The following PRDM5 variants were observed in gnomAD, a reference collection of about 807,000 sequenced individuals.
PRDM5 encodes PR domain zinc finger protein 5.
In PRDM5, 56 loss-of-function variants were observed where a neutral mutation model predicts 81.2. The observed-to-expected ratio is 0.69, with a 90% CI of 0.56 to 0.86. The LOEUF is 0.86. Ranked by LOEUF, PRDM5 falls within the 40% of genes least tolerant of loss-of-function variation. The probability of loss-of-function intolerance (pLI) is 0.00; values close to 1 mark genes in which losing one functional copy is unlikely to be tolerated. For synonymous variants in PRDM5, 267 were observed against 256.4 expected (o/e 1.04, Z -0.39); for missense variants, 697 against 770.1 (o/e 0.91, Z 1.12).
At chr4:120,874,574 A>G (rs1055211032) in intron 2 of PRDM5, among the ~76,000 whole-genome samples, 1 of 152,218 alleles carries the variant, frequency 6.6e-6, no homozygotes, top group South Asian at 2.1e-4. Flanking sequence ...AAAAAAAATC[A>G]TTTTAAAATG....
intron 2 of PRDM5, among the ~76,000 whole-genome samples, chr4:120,889,699 A>G (rs1763834343): frequency 6.6e-6 from 1 of 152,166 alleles, no homozygotes; most frequent in Non-Finnish European, 1.5e-5. Context: ...AGCATAGTAT[A>G]CAATAGTTTT....
intron 9 of PRDM5, among the ~76,000 whole-genome samples, chr4:120,798,904 T>C (rs1415109311): frequency 6.6e-6 from 1 of 152,150 alleles, no homozygotes; most frequent in Non-Finnish European, 1.5e-5. Flanking sequence ...CCATATAACA[T>C]TGACACCTAA....
At chr4:120,734,426 A>G (rs1578518751) in intron 14 of PRDM5, among the ~76,000 whole-genome samples, 1 of 144,638 alleles carries the variant, frequency 6.9e-6, no homozygotes. Context: ...ACAAATACAC[A>G]CACACACACA....
chr4:120,865,702 T>G (rs1761129637), intron 2 of PRDM5, among the ~76,000 whole-genome samples: 1 of 152,198 alleles, frequency 6.6e-6, no homozygotes, highest in South Asian at 2.1e-4. Flanking sequence ...TCCTCTGAGA[T>G]GGGTAACCTG....
intron 2 of PRDM5, among the ~76,000 whole-genome samples, chr4:120,857,073 C>T (rs970437050): frequency 1.3e-5 from 2 of 152,134 alleles, no homozygotes; most frequent in African/African-American, 4.8e-5. Flanking sequence ...AAGTAGGAAA[C>T]ATGCCAGGAA....
chr4:120,746,208 G>C (rs1743001566), intron 14 of PRDM5, among the ~76,000 whole-genome samples: 1 of 95,630 alleles, frequency 1.0e-5, no homozygotes, highest in Non-Finnish European at 2.1e-5. Flanking sequence ...AATAAATGGT[G>C]CTGGGAAAAC....
At chr4:120,806,446 C>T (rs890696880) in intron 8 of PRDM5, among the ~76,000 whole-genome samples, 3 of 152,178 alleles carry the variant, frequency 2.0e-5, no homozygotes, top group Non-Finnish European at 4.4e-5. Context: ...TGACTTCAAA[C>T]TATACTACAA....
rs776989291 is a variant in PRDM5, at chr4:120,816,490, C to T, written c.828G>A (p.Lys276=). The T allele has an allele frequency of 6.2e-7, 1 of 1,614,178 alleles. No individual in the cohort carries two copies. The highest frequency in any genetic ancestry group is 1.1e-5 in the South Asian group (1 of 91,090). The part of the protein sequence containing the change: ...ADSCGKRLKS[K]DALKRHQENV... ...TTTCCTGGTGTCTTTTCAGGGCATC[C>T]TTGCTCTTCAGCCTCTTTCCACAGC... Residue 276 remains lysine (K), a synonymous_variant, in exon 7 of 16, where the codon AAG becomes AAA. Transcript: ENST00000264808.
downstream of PRDM5, among the ~76,000 whole-genome samples, chr4:120,686,941 A>C (rs1733859348): frequency 6.6e-6 from 1 of 152,106 alleles, no homozygotes; most frequent in African/African-American, 2.4e-5. Flanking sequence ...ATTCAAACTC[A>C]GAATTGAAAT....
At position 120,834,174 on chromosome 4, in the gene PRDM5, GC is replaced by G. The variant is rs200727323; in HGVS notation, c.301-12830del. On this transcript the variant is annotated intron_variant, in intron 3 of 15. Coordinates refer to ENST00000264808, the MANE Select transcript of PRDM5 (RefSeq NM_018699.4). Reference sequence around the variant, plus strand: ...CATTTGAAAAAACTAGTTGAAAGCAGCCTATAAGAAATGTTCATTTGATCAA... The same window carrying G: ...CATTTGAAAAAACTAGTTGAAAGCAGCTATAAGAAATGTTCATTTGATCAA... Among the ~76,000 whole-genome samples, 1,173 of 152,250 alleles carry G rather than the reference GC, an allele frequency of 7.7e-3. 7 individuals are homozygous for G. The highest frequency in any genetic ancestry group is 0.026 in the African/African-American group (1,076 of 41,538).
intron 10 of PRDM5, among the ~76,000 whole-genome samples, chr4:120,786,422 T>C (rs1351284489): frequency 6.6e-6 from 1 of 152,116 alleles, no homozygotes; most frequent in Non-Finnish European, 1.5e-5. Context: ...GTAGGTCTCT[T>C]GCATTACATA....
chr4:120,712,232 G>A (rs914858178), intron 14 of PRDM5, among the ~76,000 whole-genome samples: 3 of 152,308 alleles, frequency 2.0e-5, no homozygotes, highest in African/African-American at 7.2e-5. Context: ...GTTGCAGTGA[G>A]CCAAGATGAC....
Position 120,908,691 on chromosome 4 carries a change from A to T in PRDM5, c.94-1134T>A, listed in dbSNP as rs116566423. 8.2e-3 allele frequency among the ~76,000 whole-genome samples: 1,243 copies of T among 152,334 alleles called. 17 individuals carry two copies. The highest frequency in any genetic ancestry group is 0.028 in the African/African-American group (1,179 of 41,576). On this transcript the variant is annotated intron_variant, in intron 1 of 15. Transcript: ENST00000264808. ...TCTTTAATGTTAACTTAGGGGCAGAAAATACCCAGAGATTCCTCAAATCAA... is the reference window on the plus strand; with the variant it reads ...TCTTTAATGTTAACTTAGGGGCAGATAATACCCAGAGATTCCTCAAATCAA...
chr4:120,903,300 C>CA (rs1322574163), intron 2 of PRDM5, among the ~76,000 whole-genome samples: 1 of 152,138 alleles, frequency 6.6e-6, no homozygotes, highest in Non-Finnish European at 1.5e-5. Context: ...TGGAAAGACT[C>CA]AAACAGTTCC....
chr4:120,815,105 T>C (rs1053362535), intron 7 of PRDM5, among the ~76,000 whole-genome samples: 5 of 152,178 alleles, frequency 3.3e-5, no homozygotes, highest in African/African-American at 1.2e-4. Flanking sequence ...TTCAGCAAAC[T>C]TAAGCTTTAA....
At chr4:120,728,202 T>C (rs191751007) in intron 14 of PRDM5, among the ~76,000 whole-genome samples, 1 of 152,026 alleles carries the variant, frequency 6.6e-6, no homozygotes, top group Non-Finnish European at 1.5e-5. Flanking sequence ...TGTTAGAATC[T>C]AGTATCAAGG....
chr4:120,921,829 C>T (rs1333636358), intron 1 of PRDM5, among the ~76,000 whole-genome samples: 1 of 151,814 alleles, frequency 6.6e-6, no homozygotes, highest in Non-Finnish European at 1.5e-5. Flanking sequence ...CTGTAACTTT[C>T]TGGCTGGAGA....
chr4:120,697,116 T>C (rs1310067318), intron 15 of PRDM5, among the ~76,000 whole-genome samples: 1 of 152,148 alleles, frequency 6.6e-6, no homozygotes, highest in Non-Finnish European at 1.5e-5. Context: ...TATTAAAAGA[T>C]AAGACTCAAT....
intron 2 of PRDM5, 97 bp downstream of exon 2, chr4:120,907,377 C>A: frequency 2.2e-4 from 188 of 843,682 alleles, no homozygotes; most frequent in Non-Finnish European, 3.1e-4. Context: ...TACTTAAATA[C>A]TTAACTGGAA....
Sources: gnomAD v4.1 joint callset for allele counts (sites outside exome capture counted in the v4.1 genomes callset) on GRCh38, gnomAD v4.1.1 for gene constraint, MANE v1.5 for transcripts, NCBI Gene and HGNC (gene_info 2026-07-23, HGNC 2026-07-21) for gene names.